The following CSMD1 variants were observed in gnomAD, a reference collection of about 807,000 sequenced individuals.
CSMD1 encodes CUB and Sushi multiple domains 1, also known as CUB and sushi domain-containing protein 1.
A neutral mutation model predicts 417.5 loss-of-function variants in CSMD1; 213 were observed. The ratio of observed to expected loss-of-function variants is 0.51; its 90% CI spans 0.46 to 0.57. The LOEUF is 0.57. Ranked by LOEUF, CSMD1 falls within the 20% of genes least tolerant of loss-of-function variation. The pLI, the probability that CSMD1 is intolerant of heterozygous loss-of-function variation, is 0.00. For synonymous variants in CSMD1, 2,862 were observed against 1,736.8 expected, an observed-to-expected ratio of 1.65 and a Z score of -16.11; for missense variants, 6,923 against 4,529.7, an observed-to-expected ratio of 1.53 and a Z score of -15.17.
chr8:3,311,858 C>CA, intron 23 of CSMD1, among the ~76,000 whole-genome samples: 1 of 152,216 alleles, frequency 6.6e-6, no homozygotes, highest in Non-Finnish European at 1.5e-5. Flanking sequence ...CAAATTGTTT[C>CA]AGTAGTTTAT....
chr8:4,964,501 C>CAAAAAAAAAAAAAAAAAAAAAAAAAAAA (rs768264857), intron 1 of CSMD1, among the ~76,000 whole-genome samples: 1 of 81,044 alleles, frequency 1.2e-5, no homozygotes, highest in Non-Finnish European at 2.2e-5. Flanking sequence ...GACCCTGTCT[C>CAAAAAAAAAAAAAAAAAAAAAAAAAAAA]CAAAAAAAAA....
intron 26 of CSMD1, among the ~76,000 whole-genome samples, chr8:3,260,800 C>T (rs977765081): frequency 2.0e-5 from 3 of 152,136 alleles, no homozygotes; most frequent in Non-Finnish European, 2.9e-5. Context: ...ATAAATGAGA[C>T]TTCATCAAAA....
intron 2 of CSMD1, among the ~76,000 whole-genome samples, chr8:4,456,497 G>T (rs187638283): frequency 6.6e-6 from 1 of 152,160 alleles, no homozygotes; most frequent in Non-Finnish European, 1.5e-5. Flanking sequence ...TTGGAAAATT[G>T]TAGGTTCTAA....
intron 2 of CSMD1, among the ~76,000 whole-genome samples, chr8:4,625,880 C>A (rs774575643): frequency 6.6e-6 from 1 of 152,026 alleles, no homozygotes; most frequent in Non-Finnish European, 1.5e-5. Context: ...CACACCCCCA[C>A]GCCTGGCTAA....
rs554998607 is a variant in CSMD1, at chr8:3,110,314, G to A, written c.6452C>T (p.Thr2151Ile). 1.2e-6 allele frequency: 2 copies of A among 1,611,718 alleles called. No homozygotes were observed. Among genetic ancestry groups the A allele is most frequent in the East Asian group, 4.5e-5 (2 of 44,818 alleles). Reference sequence around the variant, plus strand: ...GGAGTAGATGGTGCCGTTCTGAGAAGTTACGTTGTACCCACAAGGGGCTGC... The same window carrying A: ...GGAGTAGATGGTGCCGTTCTGAGAAATTACGTTGTACCCACAAGGGGCTGC... ...RCDAPCGYNV[T>I]SQNGTIYSPG... The change falls in exon 43 of 70, where the codon ACT becomes ATT. Residue 2151 changes from threonine to isoleucine, a missense_variant. Thr to Ile is a moderately conservative substitution (Grantham distance 89). Transcript: ENST00000635120.
intron 36 of CSMD1, among the ~76,000 whole-genome samples, chr8:3,187,169 C>A (rs781427196): frequency 2.0e-5 from 3 of 152,212 alleles, no homozygotes; most frequent in African/African-American, 4.8e-5. Flanking sequence ...TACTGATCAT[C>A]ATCACTGCTC....
At chr8:2,972,023 T>A (rs1246476024) in intron 57 of CSMD1, among the ~76,000 whole-genome samples, 1 of 152,002 alleles carries the variant, frequency 6.6e-6, no homozygotes, top group Non-Finnish European at 1.5e-5. Context: ...TGAGAAAAAA[T>A]ATATACACTA....
chr8:4,022,275 T>C (rs60530803), intron 4 of CSMD1, among the ~76,000 whole-genome samples: 16,487 of 150,990 alleles, frequency 0.11, 1,083 homozygotes, highest in South Asian at 0.24. Context: ...GCTTATCTCT[T>C]ATGTATTTCA....
intron 1 of CSMD1, among the ~76,000 whole-genome samples, chr8:4,842,376 A>ATTTTTTTTTTTTTTTTTTTT (rs1800896262): frequency 6.6e-6 from 1 of 152,146 alleles, no homozygotes; most frequent in African/African-American, 2.4e-5. Flanking sequence ...CTTCTTCTTA[A>ATTTTTTTTTTTTTTTTTTTT]TTTTTATTCC....
chr8:3,686,035 A>G lies in CSMD1; in HGVS notation c.1009+22379T>C, dbSNP rs139295429. ...TTCTGTATTTTGTACCCATTAACCA[A>G]CCAATGCTCCTTGCCCCCACCCCTC... On this transcript the variant is annotated intron_variant, in intron 7 of 69. Coordinates refer to ENST00000635120, the MANE Select transcript of CSMD1 (RefSeq NM_033225.6). 8.4e-3 allele frequency among the ~76,000 whole-genome samples: 1,280 copies of G among 152,112 alleles called. 8 individuals carry two copies. The highest frequency in any genetic ancestry group is 0.012 in the Non-Finnish European group (850 of 68,008).
At chr8:4,841,914 A>ACAAAACAAAAAAAAAC (rs779346831) in intron 1 of CSMD1, among the ~76,000 whole-genome samples, 1 of 136,624 alleles carries the variant, frequency 7.3e-6, no homozygotes, top group East Asian at 2.3e-4. Flanking sequence ...TCCGTCTCAA[A>ACAAAACAAAAAAAAAC]AAAAAAAAAA....
intron 22 of CSMD1, among the ~76,000 whole-genome samples, chr8:3,345,228 C>G (rs897810115): frequency 6.6e-6 from 1 of 152,128 alleles, no homozygotes; most frequent in African/African-American, 2.4e-5. Context: ...AGGACTTGAC[C>G]AAGCGCACCG....
At chr8:4,648,237 T>A (rs1323249849) in intron 1 of CSMD1, among the ~76,000 whole-genome samples, 3 of 152,248 alleles carry the variant, frequency 2.0e-5, no homozygotes, top group Non-Finnish European at 4.4e-5. Context: ...TCTGTTCATA[T>A]CCTTTGCCCA....
At chr8:3,722,744 T>C (rs1802261280) in intron 6 of CSMD1, among the ~76,000 whole-genome samples, 1 of 152,228 alleles carries the variant, frequency 6.6e-6, no homozygotes, top group South Asian at 2.1e-4. Context: ...TTAGGTTTTC[T>C]AATATTAGCA....
rs74652663 is a variant in CSMD1, at chr8:4,899,551, T to A, written c.85+94781A>T. On this transcript the variant is annotated intron_variant, in intron 1 of 69. Coordinates refer to ENST00000635120, the MANE Select transcript of CSMD1 (RefSeq NM_033225.6). ...CAAATGAGCGTATCTATATCACTCT[T>A]TCTTGTCATGGTGATCTGGACACTG... 2.1e-3 allele frequency among the ~76,000 whole-genome samples: 312 copies of A among 152,040 alleles called. 8 individuals are homozygous for A. The East Asian group carries it at 0.029, about 14-fold the overall frequency.
At chr8:4,265,198 A>G (rs1359061732) in intron 3 of CSMD1, among the ~76,000 whole-genome samples, 1 of 152,112 alleles carries the variant, frequency 6.6e-6, no homozygotes, top group Non-Finnish European at 1.5e-5. Context: ...AGCAAAGTGT[A>G]ACAGTATTTA....
At chr8:3,476,444 A>T (rs898800863) in intron 11 of CSMD1, among the ~76,000 whole-genome samples, 14 of 152,194 alleles carry the variant, frequency 9.2e-5, no homozygotes, top group African/African-American at 3.4e-4. Context: ...TTTCTAGGGT[A>T]AATACTTAGG....
intron 12 of CSMD1, among the ~76,000 whole-genome samples, chr8:3,414,995 A>G (rs1187370776): frequency 6.6e-6 from 1 of 152,180 alleles, no homozygotes; most frequent in Non-Finnish European, 1.5e-5. Flanking sequence ...GGCAGGGTCT[A>G]TCTTGGTGAT....
At chr8:3,700,806 A>C (rs745397441) in intron 7 of CSMD1, among the ~76,000 whole-genome samples, 1 of 152,052 alleles carries the variant, frequency 6.6e-6, no homozygotes, top group Non-Finnish European at 1.5e-5. Context: ...GGAGCAAAGG[A>C]GTTCTTTGGG....
Sources: allele counts gnomAD v4.1 joint callset (sites outside exome capture counted in the v4.1 genomes callset), GRCh38; gene constraint gnomAD v4.1.1; transcripts MANE v1.5; gene names NCBI Gene and HGNC (gene_info 2026-07-23, HGNC 2026-07-21).